USP53: variants seen among roughly 807,000 people sequenced by gnomAD.
USP53 encodes the protein ubiquitin carboxyl-terminal hydrolase 53.
In USP53, 71 loss-of-function variants were observed where a neutral mutation model predicts 94.9. The ratio of observed to expected loss-of-function variants is 0.75; its 90% CI spans 0.62 to 0.91. The LOEUF (loss-of-function observed/expected upper bound fraction) is 0.91, where lower values mean the gene tolerates loss of function less well. USP53 is among the 40% of genes least tolerant of loss of function. The pLI, the probability that USP53 is intolerant of heterozygous loss-of-function variation, is 0.00. For missense variants in USP53, 1,173 were observed against 1,281.0 expected (o/e 0.92, Z 1.29); for synonymous variants, 375 against 422.7 (o/e 0.89, Z 1.39).
intron 5 of USP53, among the ~76,000 whole-genome samples, chr4:119,244,463 A>C (rs1367136916): frequency 2.0e-5 from 3 of 152,136 alleles, no homozygotes; most frequent in African/African-American, 7.2e-5. Flanking sequence ...CTAAAAGAGA[A>C]ATTTGAAGAT....
chr4:119,256,490 A>G lies in USP53; in HGVS notation c.536A>G (p.Glu179Gly). The G allele has an allele frequency of 6.2e-7, 1 of 1,614,080 alleles. No homozygotes were observed. The highest frequency in any genetic ancestry group is 8.5e-7 in the Non-Finnish European group (1 of 1,179,992). The change falls in exon 9 of 19, where the codon GAA becomes GGA. Residue 179 changes from glutamate (E) to glycine (G), a missense_variant. Glu to Gly is a moderately conservative substitution (Grantham distance 98). Coordinates refer to ENST00000692078, the MANE Select transcript of USP53 (RefSeq NM_001371395.1). Reference protein sequence around the residue: ...GASSDPLPFTEFVRYISTTAL... With the variant: ...GASSDPLPFTGFVRYISTTAL... ...TCGTCAGATCCTCTACCTTTTACAGAATTTGTGCGGTACATTTCTACAACA... is the reference window on the plus strand; with the variant it reads ...TCGTCAGATCCTCTACCTTTTACAGGATTTGTGCGGTACATTTCTACAACA...
chr4:119,218,805 A>T (rs1193737433), intron 3 of USP53: 2 of 152,140 alleles, frequency 1.3e-5, no homozygotes. Flanking sequence ...TCAACTTGGT[A>T]TAACTCTTCT....
chr4:119,271,993 A>T lies in USP53; in HGVS notation c.2133A>T (p.Thr711=). ...CACCTGTTATCGATGGAAATGGTACAGTAATGGATATCAGTGGTGTTAAAG... is the reference window on the plus strand; with the variant it reads ...CACCTGTTATCGATGGAAATGGTACTGTAATGGATATCAGTGGTGTTAAAG... ...LDSPVIDGNG[T]VMDISGVKET... Residue 711 remains threonine, a synonymous_variant, in exon 16 of 19, where the codon ACA becomes ACT. Transcript: ENST00000692078. 1 of 1,608,870 alleles carries T rather than the reference A, an allele frequency of 6.2e-7. No individual in the cohort carries two copies.
intron 4 of USP53, among the ~76,000 whole-genome samples, 177 bp from the exon 5 acceptor site, chr4:119,239,041 G>C (rs923578880): frequency 5.3e-5 from 8 of 151,956 alleles, no homozygotes; most frequent in Non-Finnish European, 1.0e-4. Context: ...ATGTCACATT[G>C]ATATTTTAAA....
chr4:119,215,619 T>C (rs1009539467), intron 2 of USP53, among the ~76,000 whole-genome samples: 1 of 152,164 alleles, frequency 6.6e-6, no homozygotes, highest in East Asian at 1.9e-4. Context: ...TTAGTATTTT[T>C]TTTTCTTTTT....
At chr4:119,245,588 T>C (rs1748123019) in intron 6 of USP53, among the ~76,000 whole-genome samples, 159 bp downstream of exon 6, 4 of 152,230 alleles carry the variant, frequency 2.6e-5, no homozygotes, top group Admixed American at 2.6e-4. Context: ...GGTTTGTGTT[T>C]TCATTTTCCT....
intron 4 of USP53, among the ~76,000 whole-genome samples, chr4:119,236,333 G>C (rs1396162523): frequency 6.6e-6 from 1 of 152,198 alleles, no homozygotes; most frequent in Non-Finnish European, 1.5e-5. Flanking sequence ...TCTTTTTGGT[G>C]GTAGAGGGTC....
chr4:119,235,759 C>G (rs1233834489), intron 4 of USP53, among the ~76,000 whole-genome samples: 1 of 152,200 alleles, frequency 6.6e-6, no homozygotes, highest in Non-Finnish European at 1.5e-5. Context: ...TTTCTGTTCA[C>G]TGTGCTTGGA....
In USP53 at chr4:119,242,673, T is replaced by C. The variant is rs532516789; in HGVS notation, c.145-2664T>C. Among the ~76,000 whole-genome samples, 4 of 152,350 alleles carry C rather than the reference T, an allele frequency of 2.6e-5. No homozygotes were observed. In the East Asian group the frequency reaches 5.8e-4, roughly 22 times the overall value. ...GCTTTGGGGGATCTGTTGGTCTCTG[T>C]TGTCTGCCATATAAACTCATTTACA... On this transcript the variant is annotated intron_variant, in intron 5 of 18. Transcript: ENST00000692078.
At position 119,294,196 on chromosome 4, in the gene USP53, T is replaced by C. The variant is rs1319168144; in HGVS notation, c.*985T>C. On this transcript the variant is annotated 3_prime_UTR_variant, in exon 19 of 19. Coordinates refer to ENST00000692078, the MANE Select transcript of USP53 (RefSeq NM_001371395.1). ...TATTGGGAATGTCACTGTAATTGCC[T>C]ACATTTTCTTTGCTGTAATATTACC... 6.6e-6 allele frequency: 1 copy of C among 152,132 alleles called. No individual in the cohort carries two copies. The highest frequency in any genetic ancestry group is 1.5e-5 in the Non-Finnish European group (1 of 67,964). The allele number at this position is 152,132 out of a possible 1,614,324, so 9.4% of individuals were successfully genotyped here. A position where few individuals can be genotyped will look rare whatever the true frequency, so the allele number is the denominator to read the frequency against.
At chr4:119,273,489 A>T in intron 16 of USP53, 143 bp from the exon 17 acceptor site, 1 of 526,432 alleles carries the variant, frequency 1.9e-6, no homozygotes, top group Non-Finnish European at 3.4e-6. Flanking sequence ...GATAACAACT[A>T]CTTTTAAGTA....
chr4:119,223,505 A>G (rs776136357), intron 3 of USP53, among the ~76,000 whole-genome samples: 4 of 152,330 alleles, frequency 2.6e-5, no homozygotes, highest in East Asian at 1.9e-4. Context: ...GCCTTTAAAT[A>G]TAAGAGAACC....
intron 3 of USP53, among the ~76,000 whole-genome samples, chr4:119,231,671 G>A (rs1272807348): frequency 1.3e-5 from 2 of 152,164 alleles, no homozygotes; most frequent in Non-Finnish European, 2.9e-5. Flanking sequence ...TTATTACAGT[G>A]AAAGGATATA....
chr4:119,253,363 T>A (rs1749298006), intron 7 of USP53, among the ~76,000 whole-genome samples: 1 of 152,220 alleles, frequency 6.6e-6, no homozygotes, highest in Non-Finnish European at 1.5e-5. Flanking sequence ...AGTCCCTTTG[T>A]AGAAATCTAA....
At chr4:119,273,330 A>AT in intron 16 of USP53, 1 of 169,086 alleles carries the variant, frequency 5.9e-6, no homozygotes, top group Non-Finnish European at 1.2e-5. Context: ...AAAAAAAAAA[A>AT]GACTTGACAA....
At chr4:119,291,143 TC>T in intron 17 of USP53, 21 bp from the exon 18 acceptor site, 1 of 747,566 alleles carries the variant, frequency 1.3e-6, no homozygotes. Context: ...TCATCTCTTC[TC>T]CCCACCCCAC....
At chr4:119,221,230 T>C (rs977707583) in intron 3 of USP53, 1 of 152,168 alleles carries the variant, frequency 6.6e-6, no homozygotes, top group African/African-American at 2.4e-5. Context: ...TAGTTACTTA[T>C]ATTAGGCCCA....
intron 1 of USP53, among the ~76,000 whole-genome samples, chr4:119,213,637 A>AATATAT (rs1178984967): frequency 5.4e-4 from 22 of 40,668 alleles, no homozygotes; most frequent in South Asian, 2.7e-3. Flanking sequence ...CTTATCTGGA[A>AATATAT]ATAGATATAT....
intron 3 of USP53, among the ~76,000 whole-genome samples, chr4:119,227,503 G>A (rs1173324429): frequency 6.6e-6 from 1 of 152,142 alleles, no homozygotes; most frequent in South Asian, 2.1e-4. Flanking sequence ...GGTGGCGGGC[G>A]CCTGTAGTCC....
Sources: allele counts gnomAD v4.1 joint callset (sites outside exome capture counted in the v4.1 genomes callset), GRCh38; gene constraint gnomAD v4.1.1; transcripts MANE v1.5; gene names NCBI Gene and HGNC (gene_info 2026-07-23, HGNC 2026-07-21).